Variants in ATP8B1 observed in about 807,000 individuals in gnomAD.
The protein encoded by ATP8B1 is phospholipid-transporting ATPase IC.
ATP8B1 carries 80 observed loss-of-function variants against 149.9 expected under a neutral mutation model. The ratio of observed to expected loss-of-function variants is 0.53; its 90% CI spans 0.45 to 0.64. The LOEUF (loss-of-function observed/expected upper bound fraction) is 0.64, where lower values mean the gene tolerates loss of function less well. Among genes scored for constraint, ATP8B1 ranks in the 30% least tolerant of loss-of-function variants. The pLI, the probability that ATP8B1 is intolerant of heterozygous loss-of-function variation, is 0.00. For missense variants in ATP8B1, 1,247 were observed against 1,552.6 expected (o/e 0.80, Z 3.31); for synonymous variants, 536 against 562.8 (o/e 0.95, Z 0.67).
chr18:57,774,657 G>A (rs1181097864), intron 1 of ATP8B1, among the ~76,000 whole-genome samples: 3 of 152,152 alleles, frequency 2.0e-5, no homozygotes, highest in Non-Finnish European at 4.4e-5. Flanking sequence ...CACTCCCAGA[G>A]CAAAGGGATT....
At chr18:57,764,175 C>T (rs11877445) in intron 1 of ATP8B1, among the ~76,000 whole-genome samples, 57,025 of 152,018 alleles carry the variant, frequency 0.38, 10,887 homozygotes, top group Non-Finnish European at 0.41. Context: ...GACAGATGAA[C>T]GAACGACGGA....
chr18:57,700,303 A>T (rs1913055493), intron 6 of ATP8B1, among the ~76,000 whole-genome samples: 1 of 152,180 alleles, frequency 6.6e-6, no homozygotes, highest in African/African-American at 2.4e-5. Context: ...TGGGGCATAA[A>T]CATATATTTA....
chr18:57,792,191 A>G (rs2080469963), intron 1 of ATP8B1, among the ~76,000 whole-genome samples: 1 of 152,206 alleles, frequency 6.6e-6, no homozygotes, highest in Non-Finnish European at 1.5e-5. Context: ...ACACATTTCC[A>G]TGGCCTGTGC....
Position 57,661,367 on chromosome 18 carries a change from A to C in ATP8B1, c.2514T>G (p.Ser838Arg). The C allele has an allele frequency of 6.2e-7, 1 of 1,613,422 alleles. No homozygotes were observed. Among genetic ancestry groups the C allele is most frequent in the Non-Finnish European group, 8.5e-7 (1 of 1,179,892 alleles). The part of the protein sequence containing the change: ...TEEERRMRTQ[S>R]KRRLEAKKEQ... ...CTTTCTTAGCTTCTAGCCTCCTTTT[A>C]CTTTGGGTCCGCATCCGTCTTTCTT... The change falls in exon 22 of 28, where the codon AGT (serine) becomes AGG (arginine). Residue 838 changes from serine to arginine, a missense_variant. Around this residue, in one of 3 missense-constraint regions of ATP8B1, gnomAD observed 853 missense variants for 1,035.7 expected, o/e 0.82. Transcript: ENST00000648908.
At chr18:57,795,803 G>C (rs1327322588) in intron 1 of ATP8B1, among the ~76,000 whole-genome samples, 2 of 152,052 alleles carry the variant, frequency 1.3e-5, no homozygotes, top group African/African-American at 2.4e-5. Flanking sequence ...ACAACAATGT[G>C]AATGTACCTA....
At chr18:57,665,808 C>T (rs1910816759) in intron 20 of ATP8B1, among the ~76,000 whole-genome samples, 1 of 152,130 alleles carries the variant, frequency 6.6e-6, no homozygotes, top group Admixed American at 6.6e-5. Flanking sequence ...GCCTCGGCCT[C>T]CCAATGTGCT....
chr18:57,778,665 C>T (rs1162387242), intron 1 of ATP8B1, among the ~76,000 whole-genome samples: 1 of 152,210 alleles, frequency 6.6e-6, no homozygotes, highest in Non-Finnish European at 1.5e-5. Context: ...AGCTCACTCA[C>T]AGGGCTGTTG....
chr18:57,751,018 G>A (rs1401078923), intron 1 of ATP8B1, among the ~76,000 whole-genome samples: 1 of 152,120 alleles, frequency 6.6e-6, no homozygotes, highest in Non-Finnish European at 1.5e-5. Flanking sequence ...AGCCACTTGG[G>A]ATTCCGAGGC....
chr18:57,682,986 C>T (rs914854569), intron 15 of ATP8B1, among the ~76,000 whole-genome samples: 2 of 152,028 alleles, frequency 1.3e-5, no homozygotes, highest in African/African-American at 2.4e-5. Flanking sequence ...TCCCATCACA[C>T]CTGGCTAATT....
At chr18:57,799,635 C>A (rs1444252646) in intron 1 of ATP8B1, among the ~76,000 whole-genome samples, 1 of 146,804 alleles carries the variant, frequency 6.8e-6, no homozygotes, top group Non-Finnish European at 1.5e-5. Context: ...CTTGAACCAG[C>A]GAAGAGGAGG....
At chr18:57,756,700 GCTTT>G (rs746373409) in intron 1 of ATP8B1, among the ~76,000 whole-genome samples, 111 of 150,692 alleles carry the variant, frequency 7.4e-4, no homozygotes, top group Admixed American at 1.7e-3. Context: ...CCACTTTTGG[GCTTT>G]CTCTGTCATT....
intron 2 of ATP8B1, among the ~76,000 whole-genome samples, chr18:57,714,696 A>G (rs576439610): frequency 1.3e-4 from 20 of 151,344 alleles, no homozygotes; most frequent in Non-Finnish European, 2.5e-4. Flanking sequence ...GATAATCCAG[A>G]TAATTCTTCC....
chr18:57,797,291 A>G (rs2663849), intron 1 of ATP8B1, among the ~76,000 whole-genome samples: 43,721 of 152,170 alleles, frequency 0.29, 7,136 homozygotes, highest in East Asian at 0.44. Context: ...CCACTCAGCA[A>G]CAAAGTAACA....
In ATP8B1 at chr18:57,728,766, A is replaced by ATGGCGTGTAGTGG. The variant is rs2079732452; in HGVS notation, c.181+2848_181+2860dup. ...ATGGAGTCTCACTTTGTCACCCAGG[A>ATGGCGTGTAGTGG]TGGCGTGTAGTGGTGGGATCTTGGT... On this transcript the variant is annotated intron_variant, in intron 2 of 27. Transcript: ENST00000648908. Among the ~76,000 whole-genome samples, 3 of 143,736 alleles carry ATGGCGTGTAGTGG rather than the reference A, an allele frequency of 2.1e-5. No individual in the cohort carries two copies. The East Asian group carries it at 6.1e-4, about 29-fold the overall frequency. The allele number at this position is 143,736 out of a possible 152,430, so 94.3% of individuals were successfully genotyped here.
intron 1 of ATP8B1, among the ~76,000 whole-genome samples, chr18:57,783,915 C>T (rs763378125): frequency 2.0e-5 from 3 of 152,084 alleles, no homozygotes; most frequent in African/African-American, 7.2e-5. Context: ...CATCGAAGGG[C>T]GCATGGTGAC....
At chr18:57,788,725 C>T (rs2080433778) in intron 1 of ATP8B1, among the ~76,000 whole-genome samples, 1 of 151,740 alleles carries the variant, frequency 6.6e-6, no homozygotes, top group Admixed American at 6.6e-5. Context: ...GTCTTGCCAA[C>T]TCCCAAATGA....
chr18:57,691,959 G>T lies in ATP8B1; in HGVS notation c.1068C>A (p.Ala356=), dbSNP rs1448126848. The change falls in exon 12 of 28, where the codon GCC becomes GCA. Residue 356 remains alanine (A), a synonymous_variant. Transcript: ENST00000648908. ...VVLILLSAGL[A]IGHAYWEAQV... Reference sequence around the variant, plus strand: ...GTGCTTCCCAATAAGCATGGCCGATGGCAAGACCAGCAGAAAGCAGAATAA... The same window carrying T: ...GTGCTTCCCAATAAGCATGGCCGATTGCAAGACCAGCAGAAAGCAGAATAA... 1 of 1,614,022 alleles carries T rather than the reference G, an allele frequency of 6.2e-7. No homozygotes were observed.
intron 13 of ATP8B1, among the ~76,000 whole-genome samples, chr18:57,686,616 T>C (rs1912264203): frequency 6.6e-6 from 1 of 152,164 alleles, no homozygotes; most frequent in Admixed American, 6.5e-5. Flanking sequence ...AGATGGGGTT[T>C]CATCATATTG....
rs1490456385 is a variant in ATP8B1 at position 57,667,179 on chromosome 18, TA to T, written c.2210-13del. 6.3e-7 allele frequency: 1 copy of T among 1,591,170 alleles called. No individual in the cohort carries two copies. The highest frequency in any genetic ancestry group is 2.2e-5 in the East Asian group (1 of 44,754). ...ATTTTCAGCAGTTTCTACAATAGAA[TA>T]AAATTAAGTCAAATGTCATTCCTGC... On this transcript the variant is annotated splice_polypyrimidine_tract_variant and intron_variant, in intron 19 of 27. Coordinates refer to ENST00000648908, the MANE Select transcript of ATP8B1 (RefSeq NM_001374385.1).
Sources: gnomAD v4.1 joint callset for allele counts (sites outside exome capture counted in the v4.1 genomes callset) on GRCh38, gnomAD v4.1.1 for gene constraint, gnomAD v4.1.1 regional missense constraint, MANE v1.5 for transcripts, NCBI Gene and HGNC (gene_info 2026-07-23, HGNC 2026-07-21) for gene names.